Variants in RPL17 observed in about 807,000 individuals in gnomAD.
RPL17 encodes the protein ribosomal protein L17, also known as large ribosomal subunit protein uL22.
A neutral mutation model predicts 27.7 loss-of-function variants in RPL17; 2 were observed. That is an observed-to-expected ratio of 0.07 (90% confidence interval 0.03 to 0.23). The LOEUF is 0.23. RPL17 is among the 10% of genes least tolerant of loss of function. RPL17 has a pLI of 1.00. For synonymous variants in RPL17, 76 were observed against 75.5 expected, an observed-to-expected ratio of 1.01 and a Z score of -0.03; for missense variants, 141 against 238.8, an observed-to-expected ratio of 0.59 and a Z score of 2.70.
At chr18:49,490,742 T>C (rs2084008641) in intron 4 of RPL17, 51 bp downstream of exon 4, 4 of 1,612,398 alleles carry the variant, frequency 2.5e-6, no homozygotes, top group Non-Finnish European at 8.5e-7. Context: ...TCCTATCCCA[T>C]CACTTTTCCA....
intron 6 of RPL17, 148 bp downstream of exon 6, chr18:49,489,211 A>T: frequency 1.2e-6 from 1 of 830,060 alleles, no homozygotes. Context: ...TCAAGAAACA[A>T]ACTTACAAAA....
At chr18:49,491,337 C>A in intron 3 of RPL17, 68 bp downstream of exon 3, 1 of 1,608,880 alleles carries the variant, frequency 6.2e-7, no homozygotes, top group South Asian at 1.1e-5. Flanking sequence ...CTAAGAAAGT[C>A]ATCACTGCAG....
intron 3 of RPL17, 174 bp from the exon 4 acceptor site, chr18:49,491,101 G>C (rs2084039001): frequency 1.8e-6 from 2 of 1,086,002 alleles, no homozygotes; most frequent in Non-Finnish European, 2.7e-6. Flanking sequence ...TGAAGCTAGA[G>C]AAAACTCCAA....
Position 49,492,447 on chromosome 18 carries a change from G to C in RPL17, c.-14+11C>G, listed in dbSNP as rs867740062. ...ATTGGGCCCTCGGAGCAACGCAGGA[G>C]AAACACTCACCTCAGGCTGCTTAGG... On this transcript the variant is annotated intron_variant, in intron 1 of 6. Transcript: ENST00000580261. 1.3e-5 allele frequency: 2 copies of C among 152,394 alleles called. No homozygotes were observed. The highest frequency in any genetic ancestry group is 2.9e-5 in the Non-Finnish European group (2 of 68,164). 9.4% of individuals were successfully genotyped at this position (152,394 alleles called of 1,614,324 possible).
intron 6 of RPL17, 81 bp from the exon 7 acceptor site, chr18:49,488,647 G>A: frequency 1.2e-6 from 1 of 834,664 alleles, no homozygotes; most frequent in Non-Finnish European, 2.1e-6. Flanking sequence ...CTGGAGGCAG[G>A]AAACCTAGTC....
Position 49,490,877 on chromosome 18 carries a change from G to A in RPL17, c.132C>T (p.Ala44=). ...AAGTGACATCTTTCAGATACTTCGT[G>A]GCTTTTCGTATATGCATACCCTTGA... ...QAIKGMHIRK[A]TKYLKDVTLQ... The change falls in exon 4 of 7, where the codon GCC becomes GCT. Residue 44 remains alanine, a synonymous_variant. Coordinates refer to ENST00000580261, the MANE Select transcript of RPL17 (RefSeq NM_001035006.5). 6.2e-7 allele frequency: 1 copy of A among 1,613,754 alleles called. No individual in the cohort carries two copies. Among genetic ancestry groups the A allele is most frequent in the Non-Finnish European group, 8.5e-7 (1 of 1,179,896 alleles).
At chr18:49,489,855 TTGA>T (rs2083927581) in intron 5 of RPL17, among the ~76,000 whole-genome samples, 1 of 152,186 alleles carries the variant, frequency 6.6e-6, no homozygotes, top group Non-Finnish European at 1.5e-5. Flanking sequence ...ATTCGAAGTC[TTGA>T]TGATAAAATT....
rs2083980033 is a variant in RPL17, at chr18:49,490,448, G to C, written c.315+6C>G. 1 of 1,613,736 alleles carries C rather than the reference G, an allele frequency of 6.2e-7. No homozygotes were observed. The highest frequency in any genetic ancestry group is 1.1e-5 in the South Asian group (1 of 91,044). Reference sequence around the variant, plus strand: ...AAGTTGCACAGGATGTTAGTGGTTTGGGTACCTTAAGTTCAGCATTACTCT... The same window carrying C: ...AAGTTGCACAGGATGTTAGTGGTTTCGGTACCTTAAGTTCAGCATTACTCT... On this transcript the variant is annotated splice_donor_region_variant and intron_variant, in intron 5 of 6. Coordinates refer to ENST00000580261, the MANE Select transcript of RPL17 (RefSeq NM_001035006.5).
intron 5 of RPL17, among the ~76,000 whole-genome samples, 151 bp from the exon 6 acceptor site, chr18:49,489,701 A>G (rs891058786): frequency 4.6e-5 from 7 of 152,336 alleles, no homozygotes; most frequent in African/African-American, 1.7e-4. Flanking sequence ...TATTCTGCAA[A>G]TAGCATTTTT....
At chr18:49,489,676 A>G (rs6507920) in intron 5 of RPL17, 126 bp from the exon 6 acceptor site, 428,140 of 1,012,000 alleles carry the variant, frequency 0.42, 91,396 homozygotes, top group African/African-American at 0.56. Context: ...AATCATTTTT[A>G]AAAGGCAATC....
rs1322290971 is a variant in RPL17, at chr18:49,490,451, T to C, written c.315+3A>G. 1 of 1,613,956 alleles carries C rather than the reference T, an allele frequency of 6.2e-7. No individual in the cohort carries two copies. The highest frequency in any genetic ancestry group is 8.5e-7 in the Non-Finnish European group (1 of 1,179,854). On this transcript the variant is annotated splice_donor_region_variant and intron_variant, in intron 5 of 6. Coordinates refer to ENST00000580261, the MANE Select transcript of RPL17 (RefSeq NM_001035006.5). ...TTGCACAGGATGTTAGTGGTTTGGG[T>C]ACCTTAAGTTCAGCATTACTCTCTG...
chr18:49,490,643 G>A lies in RPL17; in HGVS notation c.217-91C>T, dbSNP rs188384356. On this transcript the variant is annotated intron_variant, in intron 4 of 6. Coordinates refer to ENST00000580261, the MANE Select transcript of RPL17 (RefSeq NM_001035006.5). Reference sequence around the variant, plus strand: ...TTTATCTGATATCACGGTTTCTTAGGATATGGTTTATTTCACCATCAATCC... The same window carrying A: ...TTTATCTGATATCACGGTTTCTTAGAATATGGTTTATTTCACCATCAATCC... The A allele has an allele frequency of 3.1e-6, 5 of 1,596,316 alleles. No individual in the cohort carries two copies. In the African/African-American group the frequency reaches 4.0e-5, roughly 13 times the overall value.
In RPL17 at chr18:49,489,559, G is replaced by T. The variant is rs923352861; in HGVS notation, c.316-9C>A. On this transcript the variant is annotated splice_polypyrimidine_tract_variant and intron_variant, in intron 5 of 6. Transcript: ENST00000580261. ...GAATCTACATCTAAACCCTGGGGAA[G>T]AAAGGAAGGAGAATGAAACCAGGAA... 1 of 1,599,276 alleles carries T rather than the reference G, an allele frequency of 6.3e-7. No individual in the cohort carries two copies. The highest frequency in any genetic ancestry group is 2.2e-5 in the East Asian group (1 of 44,858).
At chr18:49,491,008 CT>C in intron 3 of RPL17, 81 bp from the exon 4 acceptor site, 1 of 1,586,064 alleles carries the variant, frequency 6.3e-7, no homozygotes, top group Non-Finnish European at 8.6e-7. Flanking sequence ...CAATTTTCAG[CT>C]TTTCAAAATG....
At position 49,489,542 on chromosome 18, in the gene RPL17, A is replaced by G. The variant is rs772001695; in HGVS notation, c.324T>C (p.Asp108=). The change falls in exon 6 of 7, where the codon GAT becomes GAC. Residue 108 remains aspartate, a synonymous_variant. Coordinates refer to ENST00000580261, the MANE Select transcript of RPL17 (RefSeq NM_001035006.5). The stretch of plus-strand genomic sequence containing the variant: ...TATGCTCAATGACCAGAGAATCTAC[A>G]TCTAAACCCTGGGGAAGAAAGGAAG... ...AESNAELKGL[D]VDSLVIEHIQ... 1 of 1,600,136 alleles carries G rather than the reference A, an allele frequency of 6.2e-7. No individual in the cohort carries two copies.
intron 6 of RPL17, 142 bp from the exon 7 acceptor site, chr18:49,488,708 T>C (rs1395583290): frequency 1.9e-5 from 12 of 627,826 alleles, no homozygotes; most frequent in Admixed American, 1.7e-4. Context: ...CAACAGAACT[T>C]AAGTTCATTA....
intron 5 of RPL17, 43 bp downstream of exon 5, chr18:49,490,411 A>C: frequency 1.3e-6 from 2 of 1,597,714 alleles, no homozygotes; most frequent in South Asian, 1.1e-5. Context: ...AACATTAATT[A>C]AACAACCACC....
Position 49,490,503 on chromosome 18 carries a change from T to C in RPL17, c.266A>G (p.Glu89Gly). Reference protein sequence around the residue: ...TQGRWPKKSAEFLLHMLKNAE... With the variant: ...TQGRWPKKSAGFLLHMLKNAE... ...GTTTTTAAGCATGTGCAGCAAAAAT[T>C]CAGCACTCTTTTTGGGCCACCGACC... Residue 89 changes from glutamate to glycine, a missense_variant, in exon 5 of 7, where the codon GAA becomes GGA. Glu to Gly is a moderately conservative substitution (Grantham distance 98). Coordinates refer to ENST00000580261, the MANE Select transcript of RPL17 (RefSeq NM_001035006.5). 6.2e-7 allele frequency: 1 copy of C among 1,614,034 alleles called. No homozygotes were observed. Among genetic ancestry groups the C allele is most frequent in the Non-Finnish European group, 8.5e-7 (1 of 1,179,904 alleles).
intron 1 of RPL17, 189 bp downstream of exon 1, chr18:49,492,269 A>C (rs2084171953): frequency 6.6e-6 from 1 of 152,626 alleles, no homozygotes; most frequent in Non-Finnish European, 1.5e-5. Flanking sequence ...TCAGAGGCCG[A>C]CTGACCCCGG....
Sources: allele counts gnomAD v4.1 joint callset (sites outside exome capture counted in the v4.1 genomes callset), GRCh38; gene constraint gnomAD v4.1.1; transcripts MANE v1.5; gene names NCBI Gene and HGNC (gene_info 2026-07-23, HGNC 2026-07-21).